The following FHIT variants were observed in gnomAD, a reference collection of about 807,000 sequenced individuals.
FHIT encodes the protein fragile histidine triad diadenosine triphosphatase, also known as bis(5'-adenosyl)-triphosphatase.
In FHIT, 19 loss-of-function variants were observed where a neutral mutation model predicts 17.9. The observed-to-expected ratio is 1.06, with a 90% CI of 0.74 to 1.56. The LOEUF (loss-of-function observed/expected upper bound fraction) is 1.56. Among genes scored for constraint, FHIT ranks in the 40% most tolerant of loss-of-function variants. The pLI, the probability that FHIT is intolerant of heterozygous loss-of-function variation, is 0.00. For synonymous variants in FHIT, 81 were observed against 69.7 expected, an observed-to-expected ratio of 1.16 and a Z score of -0.81; for missense variants, 248 against 189.2, an observed-to-expected ratio of 1.31 and a Z score of -1.82.
intron 8 of FHIT, among the ~76,000 whole-genome samples, chr3:59,796,609 G>C (rs1427686309): frequency 6.6e-6 from 1 of 152,214 alleles, no homozygotes; most frequent in Non-Finnish European, 1.5e-5. Flanking sequence ...GAGCAAATGA[G>C]ATTCATGTGT....
At chr3:60,405,373 G>A (rs1701815722) in intron 5 of FHIT, among the ~76,000 whole-genome samples, 1 of 152,102 alleles carries the variant, frequency 6.6e-6, no homozygotes, top group Admixed American at 6.5e-5. Flanking sequence ...GTCCATAAAA[G>A]GTCCCAGACC....
chr3:60,405,008 G>A (rs774888091), intron 5 of FHIT, among the ~76,000 whole-genome samples: 15 of 152,110 alleles, frequency 9.9e-5, no homozygotes, highest in Non-Finnish European at 2.2e-4. Context: ...CTAGAAAATT[G>A]GTTCTCAAAC....
intron 8 of FHIT, among the ~76,000 whole-genome samples, chr3:59,814,369 G>A (rs1700520849): frequency 1.3e-5 from 2 of 152,234 alleles, no homozygotes; most frequent in Non-Finnish European, 1.5e-5. Context: ...TAAGGTGAGT[G>A]AAAGACAGGT....
At chr3:59,978,931 T>C (rs1301690133) in intron 7 of FHIT, among the ~76,000 whole-genome samples, 1 of 151,862 alleles carries the variant, frequency 6.6e-6, no homozygotes, top group Non-Finnish European at 1.5e-5. Context: ...AGTTTCCAAA[T>C]TATGGGGGGC....
At chr3:61,213,594 CAA>C (rs1252670584) in intron 1 of FHIT, among the ~76,000 whole-genome samples, 49 of 152,266 alleles carry the variant, frequency 3.2e-4, no homozygotes, top group African/African-American at 9.4e-4. Flanking sequence ...TTAGACAGAT[CAA>C]CAAGACAGAA....
intron 5 of FHIT, among the ~76,000 whole-genome samples, chr3:60,358,048 G>A (rs112452539): frequency 2.6e-5 from 4 of 152,314 alleles, no homozygotes; most frequent in East Asian, 1.9e-4. Context: ...ATAGGCCTTA[G>A]CAATTTGTGT....
chr3:61,188,593 T>G (rs984084576), intron 2 of FHIT, among the ~76,000 whole-genome samples: 5 of 152,182 alleles, frequency 3.3e-5, no homozygotes, highest in Non-Finnish European at 5.9e-5. Context: ...GAGGCCAGCA[T>G]CATCCTGATA....
At chr3:60,904,429 G>C (rs1706283496) in intron 3 of FHIT, among the ~76,000 whole-genome samples, 1 of 150,480 alleles carries the variant, frequency 6.6e-6, no homozygotes, top group East Asian at 1.9e-4. Context: ...GAGAATTTCT[G>C]TACAACTAGA....
chr3:60,477,468 T>C (rs1039617685), intron 5 of FHIT, among the ~76,000 whole-genome samples: 1 of 152,200 alleles, frequency 6.6e-6, no homozygotes, highest in African/African-American at 2.4e-5. Context: ...ATTACTAGCT[T>C]ATGCATACTG....
intron 5 of FHIT, among the ~76,000 whole-genome samples, chr3:60,478,936 G>A (rs116988392): frequency 0.012 from 1,845 of 152,168 alleles, 20 homozygotes; most frequent in Non-Finnish European, 0.02. Flanking sequence ...CTATTGCTCT[G>A]GGAATTACAG....
chr3:60,987,548 G>A (rs541371830), intron 3 of FHIT, among the ~76,000 whole-genome samples: 2 of 152,316 alleles, frequency 1.3e-5, no homozygotes, highest in Admixed American at 6.5e-5. Flanking sequence ...CTGGTTTGCT[G>A]TTAATAAATA....
At chr3:61,077,143 T>C (rs1451461259) in intron 2 of FHIT, among the ~76,000 whole-genome samples, 1 of 152,086 alleles carries the variant, frequency 6.6e-6, no homozygotes, top group Non-Finnish European at 1.5e-5. Context: ...GAAGGATAAA[T>C]GAAGAAAATC....
At chr3:60,598,005 T>C (rs1021245086) in intron 4 of FHIT, among the ~76,000 whole-genome samples, 3 of 152,088 alleles carry the variant, frequency 2.0e-5, no homozygotes, top group Admixed American at 6.6e-5. Flanking sequence ...GAATCATACA[T>C]TGAGGAATTG....
chr3:59,996,870 C>G (rs2107489005), intron 7 of FHIT, among the ~76,000 whole-genome samples: 1 of 152,150 alleles, frequency 6.6e-6, no homozygotes, highest in East Asian at 1.9e-4. Context: ...TGACAGAACC[C>G]CTGTATCACT....
intron 8 of FHIT, among the ~76,000 whole-genome samples, chr3:59,853,250 A>G (rs1166098620): frequency 6.6e-6 from 1 of 152,082 alleles, no homozygotes; most frequent in Non-Finnish European, 1.5e-5. Flanking sequence ...CTGTTTGAAC[A>G]CTCATTTTTG....
chr3:60,875,886 T>C (rs1488805547), intron 3 of FHIT, among the ~76,000 whole-genome samples: 1 of 149,856 alleles, frequency 6.7e-6, no homozygotes, highest in Non-Finnish European at 1.5e-5. Flanking sequence ...TATGAAAAAT[T>C]TCAGGGTGTC....
intron 8 of FHIT, among the ~76,000 whole-genome samples, chr3:59,784,488 T>C (rs572283435): frequency 1.3e-5 from 2 of 152,214 alleles, no homozygotes; most frequent in African/African-American, 4.8e-5. Context: ...TGTTATTTCA[T>C]TACTTACAAC....
At chr3:61,218,208 G>A (rs1023105558) in intron 1 of FHIT, among the ~76,000 whole-genome samples, 2 of 152,138 alleles carry the variant, frequency 1.3e-5, no homozygotes, top group Non-Finnish European at 2.9e-5. Flanking sequence ...GGACTGATCC[G>A]TGAGCAAGTT....
chr3:60,537,953 G>C (rs916866179), intron 4 of FHIT, among the ~76,000 whole-genome samples: 4 of 80,424 alleles, frequency 5.0e-5, no homozygotes, highest in East Asian at 4.0e-4. Context: ...TTAGAAAATA[G>C]TTGGCTATTT....
Sources: gnomAD v4.1 joint callset for allele counts (sites outside exome capture counted in the v4.1 genomes callset) on GRCh38, gnomAD v4.1.1 for gene constraint, MANE v1.5 for transcripts, NCBI Gene and HGNC (gene_info 2026-07-23, HGNC 2026-07-21) for gene names.